Variants in PRKD1 observed in about 807,000 individuals in gnomAD.
PRKD1 encodes serine/threonine-protein kinase D1.
In PRKD1, 63 loss-of-function variants were observed where a neutral mutation model predicts 95.9. The ratio of observed to expected loss-of-function variants is 0.66; its 90% CI spans 0.54 to 0.81. PRKD1 has a LOEUF of 0.81. Ranked by LOEUF, PRKD1 falls within the 30% of genes least tolerant of loss-of-function variation. The pLI, the probability that PRKD1 is intolerant of heterozygous loss-of-function variation, is 0.00. For missense variants in PRKD1, 1,048 were observed against 1,165.3 expected (o/e 0.90, Z 1.47); for synonymous variants, 425 against 423.1 (o/e 1.00, Z -0.05).
chr14:29,702,164 T>C (rs1378021120), intron 2 of PRKD1, among the ~76,000 whole-genome samples: 1 of 152,136 alleles, frequency 6.6e-6, no homozygotes, highest in Non-Finnish European at 1.5e-5. Context: ...GTTTCTAAGG[T>C]TTAATCCTAA....
intron 1 of PRKD1, among the ~76,000 whole-genome samples, chr14:29,777,033 C>A (rs1888795585): frequency 6.6e-6 from 1 of 152,118 alleles, no homozygotes; most frequent in Admixed American, 6.5e-5. Flanking sequence ...AATTTCATAT[C>A]CAGTCAAACT....
At chr14:29,869,997 T>G (rs1055375568) in intron 1 of PRKD1, among the ~76,000 whole-genome samples, 1 of 152,168 alleles carries the variant, frequency 6.6e-6, no homozygotes, top group South Asian at 2.1e-4. Flanking sequence ...TCTCCTTCAA[T>G]ATGGTTAACT....
intron 1 of PRKD1, among the ~76,000 whole-genome samples, chr14:29,772,797 G>C (rs372832380): frequency 6.6e-6 from 1 of 152,052 alleles, no homozygotes; most frequent in Non-Finnish European, 1.5e-5. Context: ...CAAAAACGAT[G>C]CCCATTTCTC....
intron 1 of PRKD1, among the ~76,000 whole-genome samples, chr14:29,781,178 T>C (rs1003597959): frequency 2.7e-5 from 4 of 149,534 alleles, no homozygotes; most frequent in East Asian, 4.1e-4. Context: ...TTAGGAGATA[T>C]ACCTAATGTA....
At chr14:29,594,212 C>T (rs142181089) in intron 16 of PRKD1, 2 of 434,594 alleles carry the variant, frequency 4.6e-6, no homozygotes, top group South Asian at 1.7e-5. Flanking sequence ...ATTTGTAATT[C>T]TGACACATCT....
chr14:29,656,343 G>T, intron 4 of PRKD1: 1 of 1,000,216 alleles, frequency 1.0e-6, no homozygotes, highest in South Asian at 1.6e-5. Context: ...TCAATGTGTT[G>T]AATTTTGAGC....
At chr14:29,731,078 A>G (rs1413225241) in intron 1 of PRKD1, among the ~76,000 whole-genome samples, 2 of 152,274 alleles carry the variant, frequency 1.3e-5, no homozygotes, top group African/African-American at 2.4e-5. Flanking sequence ...CCATTCCACA[A>G]TGTATACATA....
At chr14:29,824,371 C>T (rs1891032148) in intron 1 of PRKD1, among the ~76,000 whole-genome samples, 1 of 152,124 alleles carries the variant, frequency 6.6e-6, no homozygotes. Context: ...TTTTGAACCA[C>T]CACATGATTT....
intron 7 of PRKD1, among the ~76,000 whole-genome samples, chr14:29,634,786 C>T (rs1280053082): frequency 6.6e-6 from 1 of 152,076 alleles, no homozygotes; most frequent in Non-Finnish European, 1.5e-5. Context: ...GTAATCCCAG[C>T]ACTTTGGGAG....
At chr14:29,598,419 A>G (rs2139010172) in intron 15 of PRKD1, among the ~76,000 whole-genome samples, 1 of 152,326 alleles carries the variant, frequency 6.6e-6, no homozygotes, top group Middle Eastern at 3.4e-3. Context: ...TATTGTATAC[A>G]AGGCAGGAAA....
At chr14:29,624,332 G>T in intron 12 of PRKD1, 74 bp from the exon 13 acceptor site, 2 of 1,050,394 alleles carry the variant, frequency 1.9e-6, no homozygotes, top group Admixed American at 2.5e-5. Flanking sequence ...AAATTTGCAA[G>T]GACATTTAAA....
At chr14:29,631,060 A>C (rs1879974798) in intron 9 of PRKD1, 39 bp from the exon 10 acceptor site, 1 of 1,535,842 alleles carries the variant, frequency 6.5e-7, no homozygotes, top group Admixed American at 1.9e-5. Context: ...GTTTATCAAA[A>C]GTATGTAAAC....
At chr14:29,917,432 G>A (rs1012453156) in intron 1 of PRKD1, among the ~76,000 whole-genome samples, 26 of 151,672 alleles carry the variant, frequency 1.7e-4, no homozygotes, top group African/African-American at 5.3e-4. Flanking sequence ...CATAAATGTC[G>A]GTGAATAAAT....
intron 1 of PRKD1, among the ~76,000 whole-genome samples, chr14:29,734,517 T>C (rs146228054): frequency 6.6e-6 from 1 of 152,178 alleles, no homozygotes; most frequent in Non-Finnish European, 1.5e-5. Flanking sequence ...GACAGCTCTA[T>C]AGCAGTCTTT....
chr14:29,663,660 C>G, intron 4 of PRKD1, 39 bp downstream of exon 4: 1 of 1,600,164 alleles, frequency 6.2e-7, no homozygotes, highest in Non-Finnish European at 8.6e-7. Flanking sequence ...CCACAGATTT[C>G]TCATGTAAAT....
At chr14:29,859,086 T>G (rs1339591782) in intron 1 of PRKD1, among the ~76,000 whole-genome samples, 2 of 152,224 alleles carry the variant, frequency 1.3e-5, no homozygotes, top group African/African-American at 4.8e-5. Flanking sequence ...TTTCCCCACT[T>G]GCAAAGATTC....
chr14:29,771,654 C>T (rs1888512870), intron 1 of PRKD1, among the ~76,000 whole-genome samples: 1 of 152,272 alleles, frequency 6.6e-6, no homozygotes, highest in South Asian at 2.1e-4. Flanking sequence ...CAGGCACCCA[C>T]AAGAACTCAG....
At chr14:29,927,182 G>A in intron 1 of PRKD1, 67 bp downstream of exon 1, 2 of 1,381,540 alleles carry the variant, frequency 1.4e-6, no homozygotes, top group South Asian at 1.6e-5. Flanking sequence ...GGCGCGGAGA[G>A]GGCCAGCCGG....
intron 2 of PRKD1, among the ~76,000 whole-genome samples, chr14:29,710,845 T>A (rs1401555773): frequency 6.6e-6 from 1 of 152,138 alleles, no homozygotes; most frequent in Non-Finnish European, 1.5e-5. Flanking sequence ...AAAAAATATA[T>A]ATTAGGTTGA....
Sources: gnomAD v4.1 joint callset for allele counts (sites outside exome capture counted in the v4.1 genomes callset) on GRCh38, gnomAD v4.1.1 for gene constraint, MANE v1.5 for transcripts, NCBI Gene and HGNC (gene_info 2026-07-23, HGNC 2026-07-21) for gene names.